ZNF469: variants seen among roughly 807,000 people sequenced by gnomAD.
ZNF469 encodes the protein zinc finger protein 469.
Under a neutral mutation model 1.0 loss-of-function variants are expected in ZNF469, and 1 was observed. That is an observed-to-expected ratio of 1.00 (90% CI 0.35 to 4.73). The LOEUF (loss-of-function observed/expected upper bound fraction) is 4.73, where lower values mean the gene tolerates loss of function less well. ZNF469 is among the 30% of genes most tolerant of loss of function. The pLI is 0.16. For missense variants in ZNF469, 6,100 were observed against 5,356.3 expected (o/e 1.14, Z -4.33); for synonymous variants, 2,703 against 2,363.4 (o/e 1.14, Z -4.17).
the ZNF469 span, among the ~76,000 whole-genome samples, chr16:88,376,742 G>A: frequency 2.0e-5 from 3 of 152,218 alleles, no homozygotes; most frequent in East Asian, 3.8e-4. Context: ...TGAGGCTCGC[G>A]GGGTGTCCCG....
chr16:88,305,846 G>A, the ZNF469 span, among the ~76,000 whole-genome samples: 1 of 152,004 alleles, frequency 6.6e-6, no homozygotes, highest in East Asian at 1.9e-4. Flanking sequence ...CCCAGACACA[G>A]ATGCACACTC....
chr16:88,119,959 G>T, the ZNF469 span, among the ~76,000 whole-genome samples: 1 of 152,176 alleles, frequency 6.6e-6, no homozygotes, highest in Non-Finnish European at 1.5e-5. Context: ...TCCTGGTGTT[G>T]GGTCTCTCTG....
chr16:88,389,674 G>A (rs1054884345), intron 1 of ZNF469, among the ~76,000 whole-genome samples: 4 of 152,174 alleles, frequency 2.6e-5, no homozygotes, highest in East Asian at 1.9e-4. Context: ...AGGGTGAGGC[G>A]TTGGCTCAGG....
the ZNF469 span, among the ~76,000 whole-genome samples, chr16:88,341,398 G>T: frequency 6.6e-6 from 1 of 152,290 alleles, no homozygotes; most frequent in Non-Finnish European, 1.5e-5. Flanking sequence ...CTGCTGGGAC[G>T]TGCTGGGCAG....
the ZNF469 span, among the ~76,000 whole-genome samples, chr16:88,313,256 A>G: frequency 6.6e-6 from 1 of 152,194 alleles, no homozygotes; most frequent in African/African-American, 2.4e-5. Context: ...AAAGCTGTTG[A>G]TATTTGAATA....
rs866656179 is a variant in ZNF469, at chr16:88,436,502, C to A, written c.9032C>A (p.Ser3011Tyr). ...CCGGCCCCTGCCGATGACTCCTCCT[C>A]TTCTCTCGGAGATGTGAGCCCCGAG... ...EMPAPADDSS[S>Y]SLGDVSPEPP... Residue 3011 changes from serine (S) to tyrosine (Y), a missense_variant, in exon 3 of 3, where the codon TCT becomes TAT. Transcript: ENST00000565624. The A allele has an allele frequency of 6.5e-7, 1 of 1,548,358 alleles. No homozygotes were observed. The highest frequency in any genetic ancestry group is 1.4e-5 in the African/African-American group (1 of 73,074).
chr16:88,403,548 G>C (rs1156296424), intron 1 of ZNF469, among the ~76,000 whole-genome samples: 2 of 152,026 alleles, frequency 1.3e-5, no homozygotes, highest in East Asian at 1.9e-4. Flanking sequence ...AGCTGCCATC[G>C]AGGCCACCGT....
At chr16:88,393,452 T>A (rs566101692) in intron 1 of ZNF469, among the ~76,000 whole-genome samples, 1 of 152,196 alleles carries the variant, frequency 6.6e-6, no homozygotes, top group East Asian at 1.9e-4. Flanking sequence ...TGGGGAATAA[T>A]TAGAGTCTCC....
At chr16:88,361,162 G>A in the ZNF469 span, among the ~76,000 whole-genome samples, 10 of 152,190 alleles carry the variant, frequency 6.6e-5, no homozygotes, top group African/African-American at 1.2e-4. Flanking sequence ...CCTCACATGC[G>A]CAGTTCACAA....
In ZNF469 at chr16:88,431,218, G is replaced by C; in HGVS notation, c.3748G>C (p.Ala1250Pro). ...CACAGAGGCTTTGCGTTCTCCTCCA[G>C]CCGCCTGTGCGGGAGAAATGGGAGC... ...EFTEALRSPPAACAGEMGASP... is the reference protein window; with the variant it reads ...EFTEALRSPPPACAGEMGASP... The change falls in exon 3 of 3, where the codon GCC (alanine) becomes CCC (proline). Residue 1250 changes from alanine to proline, a missense_variant. Ala to Pro is a conservative substitution (Grantham distance 27). Coordinates refer to ENST00000565624, the MANE Select transcript of ZNF469 (RefSeq NM_001367624.2). 3 of 1,550,386 alleles carry C rather than the reference G, an allele frequency of 1.9e-6. No individual in the cohort carries two copies. Among genetic ancestry groups the C allele is most frequent in the Non-Finnish European group, 1.7e-6 (2 of 1,146,978 alleles).
At chr16:88,353,773 T>C in the ZNF469 span, among the ~76,000 whole-genome samples, 1 of 152,198 alleles carries the variant, frequency 6.6e-6, no homozygotes, top group East Asian at 1.9e-4. Context: ...GAGCCCAGGA[T>C]GACGGAGGCA....
At chr16:88,232,525 T>A in the ZNF469 span, among the ~76,000 whole-genome samples, 1 of 152,332 alleles carries the variant, frequency 6.6e-6, no homozygotes, top group Admixed American at 6.5e-5. Flanking sequence ...CCATCCTGAT[T>A]AGGCCTGCCC....
the ZNF469 span, among the ~76,000 whole-genome samples, chr16:88,209,490 AC>A: frequency 6.6e-6 from 1 of 151,820 alleles, no homozygotes; most frequent in Non-Finnish European, 1.5e-5. Context: ...ACGGGGTTTC[AC>A]TGTGTTAGCT....
chr16:88,125,816 T>G, the ZNF469 span, among the ~76,000 whole-genome samples: 1 of 152,264 alleles, frequency 6.6e-6, no homozygotes. Context: ...TTGCTTGTGC[T>G]TATAGACAGA....
the ZNF469 span, among the ~76,000 whole-genome samples, chr16:88,120,675 C>A: frequency 6.6e-6 from 1 of 152,214 alleles, no homozygotes; most frequent in African/African-American, 2.4e-5. Context: ...CCCGGGCGGG[C>A]CTCACTGCAC....
chr16:88,158,313 C>T, the ZNF469 span, among the ~76,000 whole-genome samples: 1 of 151,816 alleles, frequency 6.6e-6, no homozygotes, highest in Non-Finnish European at 1.5e-5. Context: ...TCTGTGCTCT[C>T]GCTGCTAGAG....
chr16:88,103,759 G>A, the ZNF469 span, among the ~76,000 whole-genome samples: 3 of 149,396 alleles, frequency 2.0e-5, no homozygotes, highest in Non-Finnish European at 2.9e-5. Flanking sequence ...TCCGTGGCAC[G>A]GGGGTGGGTG....
intron 1 of ZNF469, among the ~76,000 whole-genome samples, chr16:88,421,684 C>T (rs1185873432): frequency 5.9e-5 from 9 of 152,210 alleles, no homozygotes; most frequent in African/African-American, 1.9e-4. Flanking sequence ...ATGCGAAGGA[C>T]AGAGGGACAG....
chr16:88,347,645 CG>C, the ZNF469 span, among the ~76,000 whole-genome samples: 2 of 152,212 alleles, frequency 1.3e-5, no homozygotes, highest in Admixed American at 6.5e-5. Context: ...ACATCCACCC[CG>C]ATGTGAAGAA....
Sources: allele counts gnomAD v4.1 joint callset (sites outside exome capture counted in the v4.1 genomes callset), GRCh38; gene constraint gnomAD v4.1.1; transcripts MANE v1.5; gene names NCBI Gene and HGNC (gene_info 2026-07-23, HGNC 2026-07-21).